The following ARHGEF16 variants were observed in gnomAD, a reference collection of about 807,000 sequenced individuals.
The protein encoded by ARHGEF16 is Rho guanine exchange factor (GEF) 16.
ARHGEF16 carries 59 observed loss-of-function variants against 74.1 expected under a neutral mutation model. The ratio of observed to expected loss-of-function variants is 0.80; its 90% CI spans 0.65 to 0.99. ARHGEF16 has a LOEUF of 0.99. Among genes scored for constraint, ARHGEF16 ranks in the 50% least tolerant of loss-of-function variants. The pLI, the probability that ARHGEF16 is intolerant of heterozygous loss-of-function variation, is 0.00. For synonymous variants in ARHGEF16, 415 were observed against 412.6 expected (o/e 1.01, Z -0.07); for missense variants, 948 against 986.6 (o/e 0.96, Z 0.52).
intron 14 of ARHGEF16, 59 bp downstream of exon 14, chr1:3,479,972 C>T (rs909315796): frequency 2.5e-5 from 38 of 1,543,936 alleles, no homozygotes; most frequent in African/African-American, 2.2e-4. Flanking sequence ...CGTGAGTCAG[C>T]GTCCAGCCTG....
At chr1:3,470,128 T>G (rs1006380545) in intron 6 of ARHGEF16, among the ~76,000 whole-genome samples, 11 of 148,472 alleles carry the variant, frequency 7.4e-5, no homozygotes, top group African/African-American at 1.7e-4. Context: ...GGTGTGTGTG[T>G]GGGGTGGGGT....
chr1:3,467,367 C>G, intron 4 of ARHGEF16, 30 bp downstream of exon 4: 1 of 1,535,312 alleles, frequency 6.5e-7, no homozygotes, highest in Non-Finnish European at 8.8e-7. Context: ...GAGGCTGCCC[C>G]ACAGAGGCAG....
chr1:3,471,821 C>A, intron 6 of ARHGEF16: 2 of 1,068,208 alleles, frequency 1.9e-6, no homozygotes, highest in Non-Finnish European at 2.3e-6. Flanking sequence ...CTCTCCCAGA[C>A]CTTTCTCAGA....
intron 8 of ARHGEF16, 93 bp from the exon 9 acceptor site, chr1:3,474,615 C>A: frequency 7.9e-7 from 1 of 1,262,228 alleles, no homozygotes; most frequent in Non-Finnish European, 1.2e-6. Flanking sequence ...TGTTGACCAC[C>A]CTGCAGCCCC....
chr1:3,466,025 ACATCT>A, intron 2 of ARHGEF16, 118 bp from the exon 3 acceptor site: 1 of 1,066,244 alleles, frequency 9.4e-7, no homozygotes, highest in Non-Finnish European at 1.4e-6. Flanking sequence ...TGTGGAGCTG[ACATCT>A]ATTGGGCACA....
At chr1:3,465,406 G>T (rs1007843500) in intron 2 of ARHGEF16, among the ~76,000 whole-genome samples, 1 of 152,118 alleles carries the variant, frequency 6.6e-6, no homozygotes, top group Admixed American at 6.5e-5. Context: ...ACGGAGTCGG[G>T]GTGGGGGAGG....
Position 3,480,951 on chromosome 1 carries a change from G to A in ARHGEF16, c.*364G>A, listed in dbSNP as rs1427213325. 3.0e-5 allele frequency: 8 copies of A among 268,260 alleles called. No individual in the cohort carries two copies. The highest frequency in any genetic ancestry group is 8.9e-5 in the African/African-American group (4 of 45,088). The allele number at this position is 268,260 out of a possible 1,614,324, so 16.6% of individuals were successfully genotyped here. On this transcript the variant is annotated 3_prime_UTR_variant, in exon 15 of 15. Coordinates refer to ENST00000378378, the MANE Select transcript of ARHGEF16 (RefSeq NM_014448.4). ...CAATAGCGATTATTGGGGGCAATGC[G>A]AGGTCTCCTCCTATGCCCTTCCTAC...
At position 3,480,525 on chromosome 1, in the gene ARHGEF16, C is replaced by T. The variant is rs1396214920; in HGVS notation, c.2068C>T (p.Arg690Cys). Reference sequence around the variant, plus strand: ...GGACTTTGCCCGCTTCATCACCAGCCGTGTGGCCGTGGAGGGCAATGTCCG... The same window carrying T: ...GGACTTTGCCCGCTTCATCACCAGCTGTGTGGCCGTGGAGGGCAATGTCCG... ...PEDFARFITS[R>C]VAVEGNVRRM... is the part of the protein sequence containing the mutation. Residue 690 changes from arginine to cysteine, a missense_variant, in exon 15 of 15, where the codon CGT becomes TGT. Physicochemically the swap from Arg to Cys is radical, Grantham distance 180 (BLOSUM62 -3). Transcript: ENST00000378378. The T allele has an allele frequency of 1.3e-5, 21 of 1,612,216 alleles. No individual in the cohort carries two copies. Among genetic ancestry groups the T allele is most frequent in the East Asian group, 4.5e-5 (2 of 44,886 alleles).
intron 1 of ARHGEF16, among the ~76,000 whole-genome samples, chr1:3,455,146 A>G (rs986947421): frequency 6.6e-6 from 1 of 151,632 alleles, no homozygotes; most frequent in Non-Finnish European, 1.5e-5. Flanking sequence ...GAAAACTTCC[A>G]TGCAACCGGA....
At chr1:3,479,728 G>A (rs929320064) in intron 13 of ARHGEF16, 84 bp from the exon 14 acceptor site, 1 of 1,503,148 alleles carries the variant, frequency 6.7e-7, no homozygotes, top group Non-Finnish European at 9.2e-7. Flanking sequence ...CCGGCCCCGG[G>A]GGATGTGTCT....
intron 6 of ARHGEF16, among the ~76,000 whole-genome samples, chr1:3,471,427 C>A (rs150623610): frequency 0.011 from 1,736 of 152,096 alleles, 19 homozygotes; most frequent in Non-Finnish European, 0.016. Flanking sequence ...AACTTTGGGG[C>A]CCTGAGGGTG....
chr1:3,476,997 G>C (rs955301908), intron 10 of ARHGEF16, among the ~76,000 whole-genome samples: 1 of 152,050 alleles, frequency 6.6e-6, no homozygotes, highest in African/African-American at 2.4e-5. Context: ...CCCCCTCCCA[G>C]GCCTGGTCCA....
At chr1:3,459,370 G>A (rs1329263875) in intron 1 of ARHGEF16, among the ~76,000 whole-genome samples, 4 of 152,230 alleles carry the variant, frequency 2.6e-5, no homozygotes, top group Non-Finnish European at 2.9e-5. Context: ...GGCGCTGCCC[G>A]ACTCTGGGAG....
intron 6 of ARHGEF16, chr1:3,472,749 A>C: frequency 1.6e-5 from 4 of 249,580 alleles, no homozygotes; most frequent in Non-Finnish European, 3.1e-5. Flanking sequence ...GCACCAGGAC[A>C]GGAGGTCCAA....
At chr1:3,474,288 TACAC>T (rs1639822895) in intron 8 of ARHGEF16, 1 of 237,322 alleles carries the variant, frequency 4.2e-6, no homozygotes, top group Admixed American at 4.9e-5. Flanking sequence ...ATGCTGCCCA[TACAC>T]ACAGCCCCGC....
chr1:3,477,600 C>T (rs1639922791), intron 10 of ARHGEF16, among the ~76,000 whole-genome samples: 1 of 151,626 alleles, frequency 6.6e-6, no homozygotes, highest in Non-Finnish European at 1.5e-5. Flanking sequence ...CCTTCGAGTC[C>T]TGGCTTGGGT....
rs1009855811 is a variant in ARHGEF16 at position 3,456,970 on chromosome 1, G to A, written c.-20+2159G>A. Among the ~76,000 whole-genome samples the A allele has an allele frequency of 5.3e-5, 8 of 152,208 alleles. No homozygotes were observed. The South Asian group carries it at 1.0e-3, about 20-fold the overall frequency. On this transcript the variant is annotated intron_variant, in intron 1 of 14. Transcript: ENST00000378378. ...CTTAGCTGCCTAGGATTTCCCTACCGCAGCCCTAGGGACCTTGATCCAGAT... is the reference window on the plus strand; with the variant it reads ...CTTAGCTGCCTAGGATTTCCCTACCACAGCCCTAGGGACCTTGATCCAGAT...
At chr1:3,471,882 G>T (rs564767607) in intron 6 of ARHGEF16, 8 of 1,002,812 alleles carry the variant, frequency 8.0e-6, no homozygotes, top group Non-Finnish European at 9.8e-6. Flanking sequence ...GCCTGGGCAC[G>T]TACGCATGTC....
intron 1 of ARHGEF16, among the ~76,000 whole-genome samples, chr1:3,455,908 C>T (rs2100727574): frequency 6.6e-6 from 1 of 152,244 alleles, no homozygotes; most frequent in African/African-American, 2.4e-5. Context: ...CAGACGTGGA[C>T]CCTGCTGTGC....
Sources: allele counts gnomAD v4.1 joint callset (sites outside exome capture counted in the v4.1 genomes callset), GRCh38; gene constraint gnomAD v4.1.1; transcripts MANE v1.5; gene names NCBI Gene and HGNC (gene_info 2026-07-23, HGNC 2026-07-21).